Variants in WDR19 observed in about 807,000 individuals in gnomAD.
The protein encoded by WDR19 is WD repeat domain 19.
A neutral mutation model predicts 180.0 loss-of-function variants in WDR19; 121 were observed. That is an observed-to-expected ratio of 0.67 (90% CI 0.58 to 0.78). The LOEUF is 0.78. Ranked by LOEUF, WDR19 falls within the 30% of genes least tolerant of loss-of-function variation. The probability of loss-of-function intolerance (pLI) is 0.00; values close to 1 mark genes in which losing one functional copy is unlikely to be tolerated. For synonymous variants in WDR19, 497 were observed against 540.7 expected (o/e 0.92, Z 1.12); for missense variants, 1,450 against 1,640.7 (o/e 0.88, Z 2.01).
rs1729022821 is a variant in WDR19 at position 39,215,941 on chromosome 4, G to A, written c.1062G>A (p.Gly354=). ...HVFLTKLPIL[G]DACSTRIAYL... ...TCCTGACCAAGCTTCCCATACTTGG[G>A]GATGCCTGCAGCACAAGGATTGCCT... Residue 354 remains glycine, a synonymous_variant, in exon 11 of 37, where the codon GGG becomes GGA. Transcript: ENST00000399820. The A allele has an allele frequency of 1.2e-6, 2 of 1,613,652 alleles. No homozygotes were observed. Among genetic ancestry groups the A allele is most frequent in the Non-Finnish European group, 1.7e-6 (2 of 1,179,750 alleles).
intron 34 of WDR19, 120 bp from the exon 35 acceptor site, chr4:39,278,011 G>A: frequency 1.3e-6 from 1 of 790,914 alleles, no homozygotes; most frequent in Non-Finnish European, 2.1e-6. Context: ...CCAACAATGT[G>A]CCACTGCACT....
intron 36 of WDR19, among the ~76,000 whole-genome samples, chr4:39,283,017 C>T (rs898993728): frequency 5.9e-5 from 9 of 152,260 alleles, no homozygotes; most frequent in African/African-American, 2.2e-4. Flanking sequence ...ACCTCCTCTG[C>T]AATGTTGTAT....
chr4:39,270,895 ATT>A (rs33964549), intron 31 of WDR19, among the ~76,000 whole-genome samples: 4 of 136,924 alleles, frequency 2.9e-5, no homozygotes, highest in Non-Finnish European at 3.1e-5. Context: ...ATAGAAAAGA[ATT>A]TTTTTTTTTT....
Position 39,278,188 on chromosome 4 carries a change from C to T in WDR19, c.3898C>T (p.Leu1300=). 1 of 1,605,966 alleles carries T rather than the reference C, an allele frequency of 6.2e-7. No homozygotes were observed. Among genetic ancestry groups the T allele is most frequent in the Non-Finnish European group, 8.5e-7 (1 of 1,176,360 alleles). ...TVCPHCDFPA[L]YSELKIMLNT... is the part of the protein sequence containing the mutation. ...GTGTCCACATTGTGACTTCCCTGCT[C>T]TATACTCAGAATTGAAGATGTAAGT... is the stretch of plus-strand genomic sequence containing the variant. The change falls in exon 35 of 37, where the codon CTA becomes TTA. Residue 1300 remains leucine (L), a synonymous_variant. Coordinates refer to ENST00000399820, the MANE Select transcript of WDR19 (RefSeq NM_025132.4).
chr4:39,272,401 G>A lies in WDR19; in HGVS notation c.3484-579G>A, dbSNP rs1192369687. 2.0e-5 allele frequency among the ~76,000 whole-genome samples: 3 copies of A among 152,220 alleles called. No individual in the cohort carries two copies. The East Asian group carries it at 5.8e-4, about 29-fold the overall frequency. ...CTCAGCCCTGACCCCACATCTGTCTGCTTCTCTCCATCCCCACTGCCCCAC... is the reference window on the plus strand; with the variant it reads ...CTCAGCCCTGACCCCACATCTGTCTACTTCTCTCCATCCCCACTGCCCCAC... On this transcript the variant is annotated intron_variant, in intron 31 of 36. Transcript: ENST00000399820.
rs1201245697 is a variant in WDR19 at position 39,228,642 on chromosome 4, G to A, written c.1934G>A (p.Gly645Glu). The change falls in exon 17 of 37, where the codon GGG (glycine) becomes GAG (glutamate). Residue 645 changes from glycine (G) to glutamate (E), a missense_variant. By Grantham distance (98) the Gly-to-Glu change is moderately conservative (BLOSUM62 -2). Coordinates refer to ENST00000399820, the MANE Select transcript of WDR19 (RefSeq NM_025132.4). ...TTTCTCAGCAACTTAAAAGATACGG[G>A]GCCTGACGAACTGAGACCAATGCTG... ...HGFLSNLKDT[G>E]PDELRPMLAQ... is the part of the protein sequence containing the mutation. 2 of 1,611,188 alleles carry A rather than the reference G, an allele frequency of 1.2e-6. No individual in the cohort carries two copies. Among genetic ancestry groups the A allele is most frequent in the South Asian group, 1.1e-5 (1 of 90,330 alleles).
At chr4:39,182,677 AAGAGAGAG>A in intron 1 of WDR19, 114 bp downstream of exon 1, 4 of 1,403,868 alleles carry the variant, frequency 2.8e-6, no homozygotes, top group South Asian at 2.6e-5. Context: ...GGAAATGAGG[AAGAGAGAG>A]AGAGAGAGAG....
intron 14 of WDR19, 175 bp downstream of exon 14, chr4:39,218,280 C>A: frequency 2.4e-6 from 2 of 840,974 alleles, no homozygotes; most frequent in East Asian, 2.6e-5. Flanking sequence ...GGGATACATT[C>A]TGAGAAACGT....
At chr4:39,222,536 A>G (rs752495708) in intron 14 of WDR19, among the ~76,000 whole-genome samples, 2 of 152,090 alleles carry the variant, frequency 1.3e-5, no homozygotes, top group Non-Finnish European at 1.5e-5. Context: ...TAGAAATTTT[A>G]TAGTTTTATG....
chr4:39,244,160 T>G, intron 21 of WDR19, 88 bp from the exon 22 acceptor site: 1 of 1,431,086 alleles, frequency 7.0e-7, no homozygotes, highest in East Asian at 2.3e-5. Context: ...ACCTTTGGAC[T>G]CATTTTAGAG....
intron 14 of WDR19, among the ~76,000 whole-genome samples, chr4:39,222,117 C>G (rs773165613): frequency 6.6e-6 from 1 of 152,174 alleles, no homozygotes; most frequent in African/African-American, 2.4e-5. Context: ...ATTTTAGCCA[C>G]TCTAATAGAT....
intron 24 of WDR19, among the ~76,000 whole-genome samples, chr4:39,252,801 A>G (rs1384658504): frequency 3.9e-5 from 6 of 152,154 alleles, no homozygotes; most frequent in Admixed American, 3.9e-4. Context: ...ATATATCAAC[A>G]TTAAGCTGTA....
intron 34 of WDR19, 46 bp from the exon 35 acceptor site, chr4:39,278,085 T>C: frequency 6.7e-7 from 1 of 1,503,318 alleles, no homozygotes; most frequent in South Asian, 1.3e-5. Flanking sequence ...ACAGTGGGAG[T>C]TTTTAAAATA....
intron 12 of WDR19, 78 bp from the exon 13 acceptor site, chr4:39,217,056 C>G (rs987902149): frequency 1.0e-6 from 1 of 987,246 alleles, no homozygotes; most frequent in Non-Finnish European, 1.5e-6. Flanking sequence ...AAAAGCACAC[C>G]TTTTAAAATT....
At chr4:39,183,265 T>TTTTTTTTTTTTC in intron 1 of WDR19, among the ~76,000 whole-genome samples, 1 of 142,616 alleles carries the variant, frequency 7.0e-6, no homozygotes, top group Non-Finnish European at 1.5e-5. Context: ...TTTTTTTTTT[T>TTTTTTTTTTTTC]TTTTTACTGA....
Position 39,267,990 on chromosome 4 carries a change from G to T in WDR19, c.3262-5G>T. On this transcript the variant is annotated splice_region_variant and splice_polypyrimidine_tract_variant and intron_variant, in intron 29 of 36. Transcript: ENST00000399820. ...GTAATGTTTCTATAATGGTTTATGT[G>T]TCAGGATGCCAAGTACCTGTTCCGC... 1 of 1,596,454 alleles carries T rather than the reference G, an allele frequency of 6.3e-7. No individual in the cohort carries two copies. The highest frequency in any genetic ancestry group is 8.5e-7 in the Non-Finnish European group (1 of 1,171,014).
intron 28 of WDR19, among the ~76,000 whole-genome samples, chr4:39,262,442 T>A (rs543503554): frequency 1.3e-5 from 2 of 152,280 alleles, no homozygotes; most frequent in Admixed American, 1.3e-4. Flanking sequence ...GTTTTTGCTA[T>A]GTTGCCTTGG....
intron 36 of WDR19, among the ~76,000 whole-genome samples, chr4:39,284,885 C>T (rs138865721): frequency 2.6e-5 from 4 of 152,198 alleles, no homozygotes; most frequent in East Asian, 1.9e-4. Flanking sequence ...ATGCACTATC[C>T]TTCAGAAACG....
chr4:39,188,582 G>T (rs1188827649), intron 3 of WDR19, among the ~76,000 whole-genome samples: 2 of 142,474 alleles, frequency 1.4e-5, no homozygotes, highest in Non-Finnish European at 3.0e-5. Context: ...TCGCACCACC[G>T]CACTCCAGCC....
Sources: gnomAD v4.1 joint callset for allele counts (sites outside exome capture counted in the v4.1 genomes callset) on GRCh38, gnomAD v4.1.1 for gene constraint, MANE v1.5 for transcripts, NCBI Gene and HGNC (gene_info 2026-07-23, HGNC 2026-07-21) for gene names.